The following CNTNAP3B variants were observed in gnomAD, a reference collection of about 807,000 sequenced individuals.
CNTNAP3B encodes the protein contactin-associated protein-like 3B.
A neutral mutation model predicts 108.9 loss-of-function variants in CNTNAP3B; 25 were observed. The ratio of observed to expected loss-of-function variants is 0.23; its 90% CI spans 0.17 to 0.32. The LOEUF (loss-of-function observed/expected upper bound fraction) is 0.32. CNTNAP3B is among the 10% of genes least tolerant of loss of function. The pLI is 1.00. For synonymous variants in CNTNAP3B, 103 were observed against 473.4 expected (o/e 0.22, Z 10.16); for missense variants, 252 against 1,210.4 (o/e 0.21, Z 11.75).
intron 3 of CNTNAP3B, among the ~76,000 whole-genome samples, chr9:42,055,435 T>C (rs984591607): frequency 1.4e-5 from 2 of 144,044 alleles, no homozygotes; most frequent in Non-Finnish European, 3.0e-5. Flanking sequence ...TGCATGCTAT[T>C]CCAGAGTATA....
At chr9:42,113,838 TG>T (rs1445827719) in intron 1 of CNTNAP3B, among the ~76,000 whole-genome samples, 1 of 139,644 alleles carries the variant, frequency 7.2e-6, no homozygotes, top group African/African-American at 2.8e-5. Flanking sequence ...CTTGAGGGGA[TG>T]GATACTCCAT....
At position 42,094,271 on chromosome 9, in the gene CNTNAP3B, A is replaced by G. The variant is rs1827854975; in HGVS notation, c.196+10358T>C. On this transcript the variant is annotated intron_variant, in intron 2 of 23. Coordinates refer to ENST00000377561, the MANE Select transcript of CNTNAP3B (RefSeq NM_001201380.3). ...AGTAAAAATCTAGATTAGGTCTGGC[A>G]GCCAAAATCTAGGTTATGACCTGTT... Among the ~76,000 whole-genome samples the G allele has an allele frequency of 2.2e-5, 3 of 138,392 alleles. 1 individual carries two copies. The highest frequency in any genetic ancestry group is 2.2e-4 in the Admixed American group (3 of 13,870). 90.8% of individuals were successfully genotyped at this position (138,392 alleles called of 152,430 possible).
intron 13 of CNTNAP3B, among the ~76,000 whole-genome samples, chr9:41,947,756 CAGTA>C (rs1318908214): frequency 6.6e-6 from 1 of 152,158 alleles, no homozygotes; most frequent in Non-Finnish European, 1.5e-5. Flanking sequence ...TTCTAAAAAA[CAGTA>C]AGATTGAAAA....
At position 42,107,785 on chromosome 9, in the gene CNTNAP3B, C is replaced by T. The variant is rs1402183116; in HGVS notation, c.86-3046G>A. On this transcript the variant is annotated intron_variant, in intron 1 of 23. Transcript: ENST00000377561. ...GGTCAGGAGATCGAGACCATCCTGG[C>T]TAATACGGTGAAACCCCGTCTCTAC... 2.2e-5 allele frequency among the ~76,000 whole-genome samples: 3 copies of T among 135,618 alleles called. 1 individual carries two copies. Among genetic ancestry groups the T allele is most frequent in the Non-Finnish European group, 4.7e-5 (3 of 63,996 alleles). 89.0% of individuals were successfully genotyped at this position (135,618 alleles called of 152,430 possible). A position where few individuals can be genotyped will look rare whatever the true frequency, so the allele number is the denominator to read the frequency against.
At chr9:42,098,686 G>A (rs868127622) in intron 2 of CNTNAP3B, among the ~76,000 whole-genome samples, 1 of 107,308 alleles carries the variant, frequency 9.3e-6, no homozygotes, top group African/African-American at 3.7e-5. Context: ...TATGTTTTCT[G>A]TACTTACTGA....
intron 13 of CNTNAP3B, among the ~76,000 whole-genome samples, chr9:41,940,224 G>A (rs1262791112): frequency 6.6e-6 from 1 of 152,298 alleles, no homozygotes; most frequent in Non-Finnish European, 1.5e-5. Context: ...TGTGGTGAAA[G>A]ATACAAACCC....
intron 15 of CNTNAP3B, among the ~76,000 whole-genome samples, chr9:41,925,479 G>C (rs1181766986): frequency 1.2e-4 from 18 of 152,354 alleles, no homozygotes; most frequent in African/African-American, 4.3e-4. Context: ...TGTAGTCCCA[G>C]CTAGTCGGGA....
intron 13 of CNTNAP3B, among the ~76,000 whole-genome samples, chr9:41,939,676 G>T (rs1280422855): frequency 3.6e-4 from 55 of 152,336 alleles, no homozygotes; most frequent in Non-Finnish European, 6.3e-4. Flanking sequence ...CCATTAAACT[G>T]TCGCAGATTA....
intron 4 of CNTNAP3B, among the ~76,000 whole-genome samples, chr9:42,004,799 A>G (rs202026463): frequency 0.054 from 5,451 of 100,538 alleles, 119 homozygotes; most frequent in East Asian, 0.19. Flanking sequence ...CTGTAGATCA[A>G]TTCGGGGAGG....
At chr9:42,104,560 A>G (rs1487971090) in intron 2 of CNTNAP3B, 69 bp downstream of exon 2, 4 of 1,005,048 alleles carry the variant, frequency 4.0e-6, no homozygotes, top group Non-Finnish European at 5.8e-6. Context: ...AATCAATTAT[A>G]ATTATTTTGT....
At chr9:42,117,891 A>G (rs748366491) in intron 1 of CNTNAP3B, among the ~76,000 whole-genome samples, 1 of 139,626 alleles carries the variant, frequency 7.2e-6, no homozygotes, top group Admixed American at 7.1e-5. Flanking sequence ...AGAGAATACT[A>G]TAACACCTCT....
In CNTNAP3B at chr9:41,915,638, G is replaced by T. The variant is rs575409608; in HGVS notation, c.2995+4432C>A. Among the ~76,000 whole-genome samples, 4 of 142,724 alleles carry T rather than the reference G, an allele frequency of 2.8e-5. 1 individual carries two copies. Among genetic ancestry groups the T allele is most frequent in the Admixed American group, 6.9e-5 (1 of 14,478 alleles). 93.6% of individuals were successfully genotyped at this position (142,724 alleles called of 152,430 possible). Reference sequence around the variant, plus strand: ...ATATGGCGTTTATCATATTGAGAAAGTTCCCTTCTATTCCTAGTTTATTGA... The same window carrying T: ...ATATGGCGTTTATCATATTGAGAAATTTCCCTTCTATTCCTAGTTTATTGA... On this transcript the variant is annotated intron_variant, in intron 18 of 23. Coordinates refer to ENST00000377561, the MANE Select transcript of CNTNAP3B (RefSeq NM_001201380.3).
chr9:42,127,771 A>G lies in CNTNAP3B; in HGVS notation c.85+1239T>C, dbSNP rs542871105. Among the ~76,000 whole-genome samples the G allele has an allele frequency of 1.1e-3, 153 of 139,652 alleles. 26 individuals carry two copies. Among genetic ancestry groups the G allele is most frequent in the African/African-American group, 3.7e-3 (130 of 35,158 alleles). The allele number at this position is 139,652 out of a possible 152,430, so 91.6% of individuals were successfully genotyped here. On this transcript the variant is annotated intron_variant, in intron 1 of 23. Transcript: ENST00000377561. ...CACCAAGTGTAGGATTAACTGAGGC[A>G]CAACTGAATCATGATGCACAGTGAG...
At chr9:41,961,716 A>C (rs1451517536) in intron 11 of CNTNAP3B, among the ~76,000 whole-genome samples, 2 of 152,306 alleles carry the variant, frequency 1.3e-5, no homozygotes, top group African/African-American at 4.8e-5. Context: ...GTCCCTAAGT[A>C]TTTTGCAAGT....
intron 2 of CNTNAP3B, among the ~76,000 whole-genome samples, chr9:42,100,191 ATAATTCTCCT>A (rs1479212530): frequency 1.4e-5 from 1 of 71,952 alleles, no homozygotes; most frequent in Non-Finnish European, 2.9e-5. Context: ...TTCTCTCTTA[ATAATTCTCCT>A]TAATATCCCA....
At position 42,070,877 on chromosome 9, in the gene CNTNAP3B, C is replaced by G. The variant is rs1279522450; in HGVS notation, c.390+5992G>C. On this transcript the variant is annotated intron_variant, in intron 3 of 23. Transcript: ENST00000377561. The stretch of plus-strand genomic sequence containing the variant: ...TACTAATGCACTTTGTCCACTGCCC[C>G]AAAAACGTCCCATGACAGCTAGTGG... Among the ~76,000 whole-genome samples, 3 of 151,808 alleles carry G rather than the reference C, an allele frequency of 2.0e-5. No individual in the cohort carries two copies. The East Asian group carries it at 5.8e-4, about 29-fold the overall frequency.
intron 3 of CNTNAP3B, among the ~76,000 whole-genome samples, chr9:42,047,740 C>G (rs1325447965): frequency 2.1e-5 from 2 of 95,796 alleles, no homozygotes; most frequent in African/African-American, 4.5e-5. Flanking sequence ...CTGCCCCTCG[C>G]CCCTCTCACC....
At chr9:41,942,502 T>G (rs1393210015) in intron 13 of CNTNAP3B, among the ~76,000 whole-genome samples, 196 of 151,202 alleles carry the variant, frequency 1.3e-3, no homozygotes, top group African/African-American at 4.2e-3. Flanking sequence ...TCCCAGCTAC[T>G]GGGGAGGCTG....
intron 3 of CNTNAP3B, among the ~76,000 whole-genome samples, chr9:42,076,260 CAA>C (rs58062908): frequency 7.0e-4 from 59 of 83,756 alleles, no homozygotes; most frequent in African/African-American, 2.8e-3. Flanking sequence ...ACTAAAAATA[CAA>C]AAAAAAAAAA....
Sources: gnomAD v4.1 joint callset for allele counts (sites outside exome capture counted in the v4.1 genomes callset) on GRCh38, gnomAD v4.1.1 for gene constraint, MANE v1.5 for transcripts, NCBI Gene and HGNC (gene_info 2026-07-23, HGNC 2026-07-21) for gene names.